The following ZNF536 variants were observed in gnomAD, a reference collection of about 807,000 sequenced individuals.
ZNF536 encodes the protein zinc finger protein 536.
In ZNF536, 13 loss-of-function variants were observed where a neutral mutation model predicts 84.5. That is an observed-to-expected ratio of 0.15 (90% CI 0.10 to 0.24). The LOEUF (loss-of-function observed/expected upper bound fraction) is 0.24, where lower values mean the gene tolerates loss of function less well. Ranked by LOEUF, ZNF536 falls within the 10% of genes least tolerant of loss-of-function variation. The pLI is 1.00. For synonymous variants in ZNF536, 811 were observed against 742.5 expected, an observed-to-expected ratio of 1.09 and a Z score of -1.50; for missense variants, 1,536 against 1,747.5, an observed-to-expected ratio of 0.88 and a Z score of 2.16.
intron 1 of ZNF536, among the ~76,000 whole-genome samples, chr19:30,646,810 A>G (rs532870735): frequency 1.3e-5 from 2 of 152,270 alleles, no homozygotes; most frequent in South Asian, 4.2e-4. Context: ...CTGCAGGAGA[A>G]TTCCACCACG....
chr19:30,513,234 G>A (rs1477833359), intron 2 of ZNF536, among the ~76,000 whole-genome samples: 1 of 152,180 alleles, frequency 6.6e-6, no homozygotes, highest in Non-Finnish European at 1.5e-5. Context: ...AATGGAAGCA[G>A]GGTGTGGCTA....
chr19:30,431,961 A>T (rs942397003), intron 1 of ZNF536, among the ~76,000 whole-genome samples: 46 of 151,694 alleles, frequency 3.0e-4, no homozygotes, highest in African/African-American at 1.1e-3. Context: ...GTTTTGCATT[A>T]TTATGTTAAA....
intron 3 of ZNF536, among the ~76,000 whole-genome samples, chr19:30,361,697 C>A (rs1317410398): frequency 2.6e-5 from 4 of 152,056 alleles, no homozygotes; most frequent in African/African-American, 9.7e-5. Flanking sequence ...AGAGTAGGAC[C>A]TTCCAAAGAG....
chr19:30,522,292 A>G lies in ZNF536; in HGVS notation c.2171-12555A>G, dbSNP rs112461016. Among the ~76,000 whole-genome samples, 331 of 35,482 alleles carry G rather than the reference A, an allele frequency of 9.3e-3. 5 individuals carry two copies. Among genetic ancestry groups the G allele is most frequent in the Non-Finnish European group, 0.014 (245 of 17,292 alleles). The allele number at this position is 35,482 out of a possible 152,430, so 23.3% of individuals were successfully genotyped here. On this transcript the variant is annotated intron_variant, in intron 2 of 4. Transcript: ENST00000355537. ...ATATATACATATATATAATATATATATAATTTTTTGCTAATTTTAATGTCA... is the reference window on the plus strand; with the variant it reads ...ATATATACATATATATAATATATATGTAATTTTTTGCTAATTTTAATGTCA...
chr19:30,683,687 A>G (rs1208540411), intron 1 of ZNF536, among the ~76,000 whole-genome samples: 3 of 152,160 alleles, frequency 2.0e-5, no homozygotes, highest in Non-Finnish European at 2.9e-5. Flanking sequence ...CAAAGACATG[A>G]CCTTTCTAAT....
chr19:30,541,889 G>A lies in ZNF536; in HGVS notation c.2324-6054G>A, dbSNP rs146933944. Among the ~76,000 whole-genome samples the A allele has an allele frequency of 2.1e-4, 32 of 152,228 alleles. No individual in the cohort carries two copies. In the East Asian group the frequency reaches 6.0e-3, roughly 28 times the overall value. On this transcript the variant is annotated intron_variant, in intron 3 of 4. Transcript: ENST00000355537. ...AAGCAGCTGTGTGAAAAGTCTTCAG[G>A]TTTACAACATATATATGCTTTGGGG...
At chr19:30,591,211 C>A (rs929481010) in intron 1 of ZNF536, among the ~76,000 whole-genome samples, 3 of 152,202 alleles carry the variant, frequency 2.0e-5, no homozygotes, top group Admixed American at 6.5e-5. Flanking sequence ...GATGTCAGGG[C>A]AGGGATCCGA....
intron 1 of ZNF536, among the ~76,000 whole-genome samples, chr19:30,277,672 C>G: frequency 6.6e-6 from 1 of 152,176 alleles, no homozygotes; most frequent in East Asian, 1.9e-4. Context: ...TGCACATACC[C>G]ACACACACAC....
chr19:30,686,710 T>A (rs2051200209), intron 1 of ZNF536, among the ~76,000 whole-genome samples: 1 of 152,188 alleles, frequency 6.6e-6, no homozygotes, highest in African/African-American at 2.4e-5. Flanking sequence ...ATTGAGCTCC[T>A]CTGTCATCTC....
At chr19:30,594,318 A>T (rs1369045938) in intron 1 of ZNF536, among the ~76,000 whole-genome samples, 1 of 152,162 alleles carries the variant, frequency 6.6e-6, no homozygotes, top group Admixed American at 6.5e-5. Context: ...GCATGTGCAG[A>T]AAGGCAGGGG....
intron 1 of ZNF536, among the ~76,000 whole-genome samples, chr19:30,617,114 C>T (rs747883822): frequency 6.6e-6 from 1 of 151,326 alleles, no homozygotes; most frequent in Non-Finnish European, 1.5e-5. Context: ...TATTGAATAG[C>T]CTCCTTTTTT....
chr19:30,622,828 C>A (rs550655475), intron 1 of ZNF536, among the ~76,000 whole-genome samples: 4 of 152,148 alleles, frequency 2.6e-5, no homozygotes, highest in Middle Eastern at 3.4e-3. Flanking sequence ...GCCACCTCAC[C>A]GGCTGCCTGC....
At chr19:30,674,600 A>G (rs1391607017) in intron 1 of ZNF536, among the ~76,000 whole-genome samples, 1 of 151,948 alleles carries the variant, frequency 6.6e-6, no homozygotes, top group Admixed American at 6.5e-5. Context: ...CCTGAAGAGC[A>G]CTCCTCAGAG....
intron 1 of ZNF536, among the ~76,000 whole-genome samples, chr19:30,408,722 G>T (rs1473140253): frequency 6.6e-6 from 1 of 150,562 alleles, no homozygotes; most frequent in African/African-American, 2.4e-5. Context: ...CCATCCATCA[G>T]CCATCATTGA....
At chr19:30,673,472 T>C (rs770044446) in intron 1 of ZNF536, among the ~76,000 whole-genome samples, 28 of 152,310 alleles carry the variant, frequency 1.8e-4, no homozygotes, top group South Asian at 1.0e-3. Context: ...CTGACTCAGA[T>C]TTTCCTTTTG....
At chr19:30,550,980 A>G (rs1243587271) in intron 4 of ZNF536, among the ~76,000 whole-genome samples, 1 of 152,184 alleles carries the variant, frequency 6.6e-6, no homozygotes, top group African/African-American at 2.4e-5. Context: ...CAATATTTAA[A>G]AGAAGGGAAA....
intron 1 of ZNF536, among the ~76,000 whole-genome samples, chr19:30,643,744 G>A (rs2049355366): frequency 6.6e-6 from 1 of 152,150 alleles, no homozygotes; most frequent in South Asian, 2.1e-4. Context: ...ACTTAGGGTA[G>A]CTTTGGGTGG....
chr19:30,690,788 T>C (rs904174926), intron 1 of ZNF536, among the ~76,000 whole-genome samples: 2 of 152,170 alleles, frequency 1.3e-5, no homozygotes, highest in Non-Finnish European at 2.9e-5. Context: ...TTACAATTTG[T>C]GTAAGGACTG....
intron 1 of ZNF536, among the ~76,000 whole-genome samples, chr19:30,253,885 A>T (rs1267953058): frequency 6.6e-6 from 1 of 152,182 alleles, no homozygotes; most frequent in Non-Finnish European, 1.5e-5. Context: ...CAGATTAGTG[A>T]GTCAGAAAAG....
Sources: allele counts gnomAD v4.1 joint callset (sites outside exome capture counted in the v4.1 genomes callset), GRCh38; gene constraint gnomAD v4.1.1; transcripts MANE v1.5; gene names NCBI Gene and HGNC (gene_info 2026-07-23, HGNC 2026-07-21).